Variants in SHPK observed in about 807,000 individuals in gnomAD.
SHPK encodes the protein sedoheptulokinase.
Under a neutral mutation model 46.3 loss-of-function variants are expected in SHPK, and 51 were observed. The observed-to-expected ratio is 1.10, with a 90% confidence interval of 0.88 to 1.39. The LOEUF is 1.39. Ranked by LOEUF, SHPK falls within the 40% of genes most tolerant of loss-of-function variation. SHPK has a pLI of 0.00. For synonymous variants in SHPK, 290 were observed against 273.9 expected (o/e 1.06, Z -0.58); for missense variants, 668 against 641.3 (o/e 1.04, Z -0.45).
At chr17:3,630,418 T>G in intron 1 of SHPK, 72 bp from the exon 2 acceptor site, 79 of 1,396,036 alleles carry the variant, frequency 5.7e-5, no homozygotes, top group East Asian at 7.2e-5. Context: ...CCTCCCGGGA[T>G]GTCCTGGAGG....
chr17:3,622,426 A>G (rs1171388121), intron 4 of SHPK: 3 of 224,276 alleles, frequency 1.3e-5, no homozygotes, highest in Non-Finnish European at 2.2e-5. Flanking sequence ...ATGGTTGGTG[A>G]GCACAGCCCA....
At chr17:3,632,971 CTTT>C (rs34873037) in intron 1 of SHPK, among the ~76,000 whole-genome samples, 31 of 81,726 alleles carry the variant, frequency 3.8e-4, no homozygotes, top group East Asian at 1.5e-3. Flanking sequence ...GCAGATATTA[CTTT>C]TTTTTTTTTT....
Position 3,610,572 on chromosome 17 carries a change from C to T in SHPK, c.1425G>A (p.Gln475=). Residue 475 remains glutamine (Q), a synonymous_variant, in exon 7 of 7, where the codon CAG becomes CAA. Transcript: ENST00000225519. ...ALVMLRRHLN[Q]KES ...AAGAGTTTGCTGTCTAAGATTCCTT[C>T]TGGTTGAGGTGTCTCCGGAGCATGA... is the stretch of plus-strand genomic sequence containing the variant. The T allele has an allele frequency of 6.3e-7, 1 of 1,597,282 alleles. No homozygotes were observed. Among genetic ancestry groups the T allele is most frequent in the Non-Finnish European group, 8.6e-7 (1 of 1,167,138 alleles).
At chr17:3,624,354 C>T in intron 2 of SHPK, 123 bp from the exon 3 acceptor site, 2 of 893,372 alleles carry the variant, frequency 2.2e-6, no homozygotes, top group Non-Finnish European at 3.4e-6. Flanking sequence ...TAAAGCCTGG[C>T]ACACCTATGG....
chr17:3,621,619 C>CCCTTCCTTCCTT lies in SHPK; in HGVS notation c.648-219_648-208dup, dbSNP rs11280934. On this transcript the variant is annotated intron_variant, in intron 4 of 6. Transcript: ENST00000225519. ...CCATTCCTTCCCTCCCTCCCTCCCT[C>CCCTTCCTTCCTT]CCTTCCTTCCTTCCTTCCTTCTTTC... is the stretch of plus-strand genomic sequence containing the variant. Among the ~76,000 whole-genome samples, 167 of 112,298 alleles carry CCCTTCCTTCCTT rather than the reference C, an allele frequency of 1.5e-3. 3 individuals are homozygous for CCCTTCCTTCCTT. The South Asian group carries it at 0.025, about 17-fold the overall frequency. 73.7% of individuals were successfully genotyped at this position (112,298 alleles called of 152,430 possible).
At chr17:3,622,900 T>G (rs928267441) in intron 4 of SHPK, among the ~76,000 whole-genome samples, 2 of 152,148 alleles carry the variant, frequency 1.3e-5, no homozygotes, top group Admixed American at 6.5e-5. Flanking sequence ...AGATGGGGTT[T>G]CGCCATGTTG....
chr17:3,621,333 T>G lies in SHPK; in HGVS notation c.727A>C (p.Met243Leu). ...PGSVAGRTSH[M>L]WFEIPKGTQV... Reference sequence around the variant, plus strand: ...GTCCCCTTTGGGATTTCAAACCACATGTGGGAAGTTCTGCCCGCCACACTG... The same window carrying G: ...GTCCCCTTTGGGATTTCAAACCACAGGTGGGAAGTTCTGCCCGCCACACTG... The change falls in exon 5 of 7, where the codon ATG becomes CTG. Residue 243 changes from methionine (M) to leucine (L), a missense_variant. Transcript: ENST00000225519. The G allele has an allele frequency of 6.2e-7, 1 of 1,614,102 alleles. No individual in the cohort carries two copies. Among genetic ancestry groups the G allele is most frequent in the Non-Finnish European group, 8.5e-7 (1 of 1,179,974 alleles).
chr17:3,615,572 G>T (rs373545005), intron 5 of SHPK, 35 bp from the exon 6 acceptor site: 1 of 1,594,860 alleles, frequency 6.3e-7, no homozygotes, highest in Admixed American at 1.7e-5. Flanking sequence ...TAGGCCTGTC[G>T]GGCTAACTCA....
chr17:3,615,475 G>C lies in SHPK; in HGVS notation c.886C>G (p.Gln296Glu), dbSNP rs753601200. The change falls in exon 6 of 7, where the codon CAG becomes GAG. Residue 296 changes from glutamine (Q) to glutamate (E), a missense_variant. Coordinates refer to ENST00000225519, the MANE Select transcript of SHPK (RefSeq NM_013276.4). ...ASMPSGFQPA[Q>E]TPDPTAPVAY... is the part of the protein sequence containing the mutation. ...ACTGGGGCCGTAGGGTCTGGAGTCTGTGCAGGCTGGAATCCTGAAGGCATG... is the reference window on the plus strand; with the variant it reads ...ACTGGGGCCGTAGGGTCTGGAGTCTCTGCAGGCTGGAATCCTGAAGGCATG... 1.2e-6 allele frequency: 2 copies of C among 1,614,068 alleles called. No individual in the cohort carries two copies. The highest frequency in any genetic ancestry group is 4.5e-5 in the East Asian group (2 of 44,896).
At chr17:3,633,672 G>A (rs1004157822) in intron 1 of SHPK, among the ~76,000 whole-genome samples, 1 of 152,122 alleles carries the variant, frequency 6.6e-6, no homozygotes, top group Non-Finnish European at 1.5e-5. Context: ...AGCTGGGGAG[G>A]GAGGGCAGAA....
chr17:3,629,735 A>T (rs896080904), intron 2 of SHPK, among the ~76,000 whole-genome samples: 7 of 151,740 alleles, frequency 4.6e-5, no homozygotes, highest in African/African-American at 1.2e-4. Flanking sequence ...CCTTAAAAAA[A>T]AAAAAAAAAA....
intron 1 of SHPK, among the ~76,000 whole-genome samples, 194 bp downstream of exon 1, chr17:3,635,858 G>A (rs1198342308): frequency 6.6e-6 from 1 of 152,082 alleles, no homozygotes; most frequent in East Asian, 1.9e-4. Context: ...GTCCCAGCAG[G>A]TGGGAAGGAT....
rs1275441154 is a variant in SHPK at position 3,609,762 on chromosome 17, C to T, written c.*798G>A. On this transcript the variant is annotated 3_prime_UTR_variant, in exon 7 of 7. Coordinates refer to ENST00000225519, the MANE Select transcript of SHPK (RefSeq NM_013276.4). ...GACATGCTCCTGGCAAGGGGTCCTG[C>T]TGGTGCCTTGTCAGGTTCTGGAGTG... 3.9e-5 allele frequency: 6 copies of T among 152,390 alleles called. No homozygotes were observed. The allele number at this position is 152,390 out of a possible 1,614,324, so 9.4% of individuals were successfully genotyped here.
rs895354710 is a variant in SHPK at position 3,615,222 on chromosome 17, G to T, written c.1024+115C>A. ...GAGAAATATGCCAGGACCTGGCAGG[G>T]TCTGAGACCTCAATGTGGACGCTGA... On this transcript the variant is annotated intron_variant, in intron 6 of 6. Coordinates refer to ENST00000225519, the MANE Select transcript of SHPK (RefSeq NM_013276.4). 6.2e-5 allele frequency: 60 copies of T among 968,316 alleles called. 1 individual carries two copies. The highest frequency in any genetic ancestry group is 9.3e-5 in the Non-Finnish European group (58 of 623,206). The allele number at this position is 968,316 out of a possible 1,614,324, so 60.0% of individuals were successfully genotyped here.
intron 2 of SHPK, among the ~76,000 whole-genome samples, chr17:3,627,138 G>C (rs1252250458): frequency 6.6e-6 from 1 of 152,080 alleles, no homozygotes; most frequent in Non-Finnish European, 1.5e-5. Flanking sequence ...AGAGCTGCTT[G>C]TTCTCTCTTA....
chr17:3,614,456 C>T (rs1229789656), intron 6 of SHPK, among the ~76,000 whole-genome samples: 2 of 151,468 alleles, frequency 1.3e-5, no homozygotes, highest in Middle Eastern at 3.2e-3. Context: ...ACCTGGGAGG[C>T]GGAGATTGCA....
intron 5 of SHPK, chr17:3,619,625 C>A (rs185697716): frequency 1.4e-5 from 5 of 370,192 alleles, no homozygotes; most frequent in Non-Finnish European, 2.5e-5. Context: ...CCCATCTACT[C>A]GGGAGGACAA....
Position 3,623,608 on chromosome 17 carries a change from G to A in SHPK, c.495-117C>T, listed in dbSNP as rs1436831572. ...CCATGGCCAGGTGGCAGCCACAACC[G>A]CATATACTATGGCTCAAGTCCAGCT... On this transcript the variant is annotated intron_variant, in intron 3 of 6. Transcript: ENST00000225519. 32 of 1,000,814 alleles carry A rather than the reference G, an allele frequency of 3.2e-5. 1 individual carries two copies. The highest frequency in any genetic ancestry group is 2.4e-4 in the Middle Eastern group (1 of 4,220). 62.0% of individuals were successfully genotyped at this position (1,000,814 alleles called of 1,614,324 possible). A position where few individuals can be genotyped will look rare whatever the true frequency, so the allele number is the denominator to read the frequency against.
intron 5 of SHPK, among the ~76,000 whole-genome samples, chr17:3,618,006 A>G (rs2075378512): frequency 6.6e-6 from 1 of 152,226 alleles, no homozygotes; most frequent in South Asian, 2.1e-4. Flanking sequence ...TGCTTCTGCA[A>G]ATACTTTATG....
Sources: gnomAD v4.1 joint callset for allele counts (sites outside exome capture counted in the v4.1 genomes callset) on GRCh38, gnomAD v4.1.1 for gene constraint, MANE v1.5 for transcripts, NCBI Gene and HGNC (gene_info 2026-07-23, HGNC 2026-07-21) for gene names.